The following ATRX variants were observed in gnomAD, a reference collection of about 807,000 sequenced individuals.
The protein encoded by ATRX is chromatin remodeler ATRX.
ATRX carries 12 observed loss-of-function variants against 172.6 expected under a neutral mutation model. The observed-to-expected ratio is 0.07, with a 90% CI of 0.04 to 0.11. The LOEUF (loss-of-function observed/expected upper bound fraction) is 0.11. Among genes scored for constraint, ATRX ranks in the 10% least tolerant of loss-of-function variants. The probability of loss-of-function intolerance (pLI) is 1.00; values close to 1 mark genes in which losing one functional copy is unlikely to be tolerated. For synonymous variants in ATRX, 674 were observed against 594.7 expected (o/e 1.13, Z -1.94); for missense variants, 1,368 against 1,767.4 (o/e 0.77, Z 4.05).
chrX:77,634,463 G>A, intron 17 of ATRX, 131 bp downstream of exon 17: 1 of 534,653 alleles, frequency 1.9e-6, no homozygotes, highest in Non-Finnish European at 3.2e-6. Context: ...AAGCTCCTTG[G>A]AGACAGATCT....
intron 2 of ATRX, among the ~76,000 whole-genome samples, chrX:77,715,618 T>C (rs1290430054): frequency 8.9e-6 from 1 of 112,274 alleles, no homozygotes; most frequent in Non-Finnish European, 1.9e-5. Context: ...TGTATTTTTT[T>C]CCTCTGGCTA....
intron 25 of ATRX, among the ~76,000 whole-genome samples, chrX:77,598,086 T>C (rs957583126): frequency 4.0e-4 from 45 of 111,986 alleles, no homozygotes; most frequent in African/African-American, 4.2e-4. Flanking sequence ...ATATAAACCA[T>C]AGAATATACA....
intron 22 of ATRX, among the ~76,000 whole-genome samples, chrX:77,615,413 A>G (rs1182601952): frequency 1.8e-5 from 2 of 111,404 alleles, no homozygotes; most frequent in East Asian, 2.8e-4. Context: ...CAAATTTATT[A>G]CTCCTTATTA....
intron 15 of ATRX, among the ~76,000 whole-genome samples, chrX:77,643,566 G>A (rs1346799949): frequency 9.0e-6 from 1 of 110,671 alleles, no homozygotes; most frequent in Non-Finnish European, 1.9e-5. Flanking sequence ...GACTATAGGT[G>A]TGCACCACCA....
At chrX:77,757,033 G>A (rs547661318) in intron 1 of ATRX, among the ~76,000 whole-genome samples, 49 of 111,207 alleles carry the variant, frequency 4.4e-4, no homozygotes, top group African/African-American at 1.5e-3. Context: ...TGATCCATCC[G>A]CTTCAACTTC....
chrX:77,751,232 G>A (rs576070961), intron 1 of ATRX, among the ~76,000 whole-genome samples: 17 of 112,426 alleles, frequency 1.5e-4, no homozygotes, highest in African/African-American at 2.9e-4. Flanking sequence ...TCTAACTGGC[G>A]TGAGATGGTA....
At chrX:77,539,412 T>C (rs1477770987) in intron 30 of ATRX, among the ~76,000 whole-genome samples, 3 of 111,325 alleles carry the variant, frequency 2.7e-5, no homozygotes, top group African/African-American at 3.3e-5. Flanking sequence ...ATGTATGTCA[T>C]AAATCTAATC....
chrX:77,554,991 C>T (rs1310166438), intron 30 of ATRX, among the ~76,000 whole-genome samples: 1 of 111,386 alleles, frequency 9.0e-6, no homozygotes. Context: ...TGTTGAAGTC[C>T]AATACATTAA....
intron 2 of ATRX, among the ~76,000 whole-genome samples, chrX:77,702,348 C>T (rs1313166175): frequency 3.6e-5 from 4 of 111,737 alleles, no homozygotes; most frequent in African/African-American, 1.3e-4. Flanking sequence ...TAAGCCGAGG[C>T]AAGAGAATTG....
chrX:77,631,559 A>G (rs2068108275), intron 19 of ATRX, among the ~76,000 whole-genome samples: 2 of 111,633 alleles, frequency 1.8e-5, no homozygotes, highest in South Asian at 7.5e-4. Context: ...CCGATATGAG[A>G]TATGATGTGA....
At position 77,516,704 on chromosome X, in the gene ATRX, A is replaced by C. The variant is rs782803317; in HGVS notation, c.7200+4084T>G. ...TCCAGACAGAAAATCAATAAAAAAA[A>C]CCAACGGACTTATTCTGCACTATAG... On this transcript the variant is annotated intron_variant, in intron 34 of 34. Coordinates refer to ENST00000373344, the MANE Select transcript of ATRX (RefSeq NM_000489.6). 4.5e-5 allele frequency among the ~76,000 whole-genome samples: 5 copies of C among 112,106 alleles called. 1 individual carries two copies. The South Asian group carries it at 1.5e-3, about 33-fold the overall frequency.
chrX:77,643,079 C>T (rs2068734785), intron 15 of ATRX, among the ~76,000 whole-genome samples: 1 of 112,163 alleles, frequency 8.9e-6, no homozygotes, highest in South Asian at 3.7e-4. Flanking sequence ...CTCAAAGCAG[C>T]AGCACCCTGT....
chrX:77,742,934 T>A (rs1443450197), intron 1 of ATRX, among the ~76,000 whole-genome samples: 1 of 111,498 alleles, frequency 9.0e-6, no homozygotes, highest in Non-Finnish European at 1.9e-5. Context: ...CGATGCAGGA[T>A]CTCAGCTCAT....
chrX:77,640,044 C>A (rs2068576287), intron 15 of ATRX, among the ~76,000 whole-genome samples: 1 of 112,029 alleles, frequency 8.9e-6, no homozygotes, highest in South Asian at 3.7e-4. Flanking sequence ...TTGGAGGCAG[C>A]TGGAGGCTAT....
intron 1 of ATRX, among the ~76,000 whole-genome samples, chrX:77,784,683 A>T (rs1320065988): frequency 8.9e-6 from 1 of 111,985 alleles, no homozygotes; most frequent in Non-Finnish European, 1.9e-5. Context: ...ACAACTAGAG[A>T]TCTACAATCT....
At chrX:77,719,199 T>G (rs1324804063) in intron 1 of ATRX, among the ~76,000 whole-genome samples, 1 of 111,333 alleles carries the variant, frequency 9.0e-6, no homozygotes, top group Non-Finnish European at 1.9e-5. Context: ...TCAAATCCTG[T>G]ATCTCATGAG....
chrX:77,774,452 C>T (rs1362355506), intron 1 of ATRX, among the ~76,000 whole-genome samples: 1 of 110,999 alleles, frequency 9.0e-6, no homozygotes, highest in Non-Finnish European at 1.9e-5. Flanking sequence ...CCGAGGCAGG[C>T]GGATCATGAG....
rs781984385 is a variant in ATRX, at chrX:77,654,191, C to T, written c.4224G>A (p.Lys1408=). The change falls in exon 14 of 35, where the codon AAG becomes AAA. Residue 1408 remains lysine, a synonymous_variant. Transcript: ENST00000373344. ...GCTGATTTTCTTCCAACTCTGCTTT[C>T]TTTGCAGACCTGACGAAAATTTAAA... ...DEQRPRTRSA[K]KAELEENQRS... The T allele has an allele frequency of 3.7e-5, 44 of 1,202,441 alleles. No homozygotes were observed. In the East Asian group the frequency reaches 1.1e-3, roughly 30 times the overall value.
intron 14 of ATRX, among the ~76,000 whole-genome samples, chrX:77,653,278 G>T (rs891347117): frequency 8.9e-6 from 1 of 111,742 alleles, no homozygotes; most frequent in African/African-American, 3.2e-5. Context: ...CAAAATAGCC[G>T]AAAGGTAGAA....
Sources: allele counts gnomAD v4.1 joint callset (sites outside exome capture counted in the v4.1 genomes callset), GRCh38; gene constraint gnomAD v4.1.1; transcripts MANE v1.5; gene names NCBI Gene and HGNC (gene_info 2026-07-23, HGNC 2026-07-21).